The following PFKP variants were observed in gnomAD, a reference collection of about 807,000 sequenced individuals.
PFKP encodes the protein phosphofructokinase, platelet, also known as ATP-dependent 6-phosphofructokinase, platelet type.
Under a neutral mutation model 94.3 loss-of-function variants are expected in PFKP, and 101 were observed. That is an observed-to-expected ratio of 1.07 (90% CI 0.91 to 1.26). The LOEUF (loss-of-function observed/expected upper bound fraction) is 1.26. Among genes scored for constraint, PFKP ranks in the 50% most tolerant of loss-of-function variants. The pLI is 0.00. For missense variants in PFKP, 1,145 were observed against 1,103.3 expected (o/e 1.04, Z -0.53); for synonymous variants, 573 against 432.6 (o/e 1.32, Z -4.03).
chr10:3,103,724 C>A (rs1011161935), intron 4 of PFKP, 55 bp from the exon 5 acceptor site: 4 of 1,597,808 alleles, frequency 2.5e-6, no homozygotes, highest in Non-Finnish European at 3.4e-6. Flanking sequence ...AGTGGGGCAC[C>A]CCCCGAACGC....
chr10:3,071,558 G>A (rs373114571), intron 1 of PFKP, among the ~76,000 whole-genome samples: 85 of 151,368 alleles, frequency 5.6e-4, no homozygotes, highest in Non-Finnish European at 1.0e-3. Flanking sequence ...TCTGAATGGC[G>A]GACTTACCAT....
intron 3 of PFKP, among the ~76,000 whole-genome samples, chr10:3,100,056 G>GGTGTGT (rs55739223): frequency 0.15 from 20,112 of 137,484 alleles, 1,322 homozygotes; most frequent in African/African-American, 0.15. Context: ...GTAGGTGTGT[G>GGTGTGT]GTGTGTGTGT....
At chr10:3,122,278 C>T (rs148695068) in intron 16 of PFKP, among the ~76,000 whole-genome samples, 39 of 152,220 alleles carry the variant, frequency 2.6e-4, no homozygotes, top group African/African-American at 9.1e-4. Flanking sequence ...CTTGGGAGTG[C>T]GGTGGTTCTA....
chr10:3,102,269 A>AAAAAAAAAAAAAAAAG (rs1228488168), intron 4 of PFKP, among the ~76,000 whole-genome samples: 1 of 148,148 alleles, frequency 6.8e-6, no homozygotes, highest in Non-Finnish European at 1.5e-5. Flanking sequence ...AAAAAAAAAA[A>AAAAAAAAAAAAAAAAG]AAAACTGAAG....
At chr10:3,090,783 G>A (rs775520823) in intron 2 of PFKP, among the ~76,000 whole-genome samples, 1 of 152,026 alleles carries the variant, frequency 6.6e-6, no homozygotes, top group Non-Finnish European at 1.5e-5. Flanking sequence ...ACTCTTTTGG[G>A]GGACCGCTGT....
intron 21 of PFKP, 67 bp from the exon 22 acceptor site, chr10:3,136,383 T>G: frequency 6.4e-7 from 1 of 1,570,320 alleles, no homozygotes; most frequent in South Asian, 1.1e-5. Context: ...CTCGCTGTGC[T>G]GGCCAGGCGG....
intron 2 of PFKP, among the ~76,000 whole-genome samples, chr10:3,094,689 C>G (rs1179217897): frequency 6.6e-6 from 1 of 152,220 alleles, no homozygotes; most frequent in Admixed American, 6.5e-5. Context: ...CCTGCCGCCT[C>G]TCTTTCTCGC....
chr10:3,077,249 C>CTTTTTTTTTTTTTT (rs35306351), intron 1 of PFKP, among the ~76,000 whole-genome samples: 1 of 108,180 alleles, frequency 9.2e-6, no homozygotes, highest in Non-Finnish European at 1.8e-5. Flanking sequence ...CTATTCTTTA[C>CTTTTTTTTTTTTTT]TTTTTTTTTT....
intron 3 of PFKP, chr10:3,100,862 C>CAAAATAAAAAATA (rs754923021): frequency 1.5e-6 from 1 of 653,980 alleles, no homozygotes; most frequent in Non-Finnish European, 2.5e-6. Flanking sequence ...GTATGTGGTG[C>CAAAATAAAAAATA]AAAAAAAAAA....
chr10:3,136,531 C>T lies in PFKP; in HGVS notation c.2307C>T (p.Asp769=), dbSNP rs34180069. The change falls in exon 22 of 22, where the codon GAC becomes GAT. Residue 769 remains aspartate (D), a synonymous_variant. Coordinates refer to ENST00000381125, the MANE Select transcript of PFKP (RefSeq NM_002627.5). ...TGGCCAAGTACAAGGCCAGCTATGA[C>T]GTGTCGGACTCAGGCCAGCTGGAAC... ...KILAKYKASY[D]VSDSGQLEHV... 6,897 of 1,613,566 alleles carry T rather than the reference C, an allele frequency of 4.3e-3. 40 individuals carry two copies. Among genetic ancestry groups the T allele is most frequent in the South Asian group, 5.2e-3 (476 of 90,954 alleles).
chr10:3,096,000 TAATGA>T (rs1368738212), intron 2 of PFKP, among the ~76,000 whole-genome samples: 1 of 152,196 alleles, frequency 6.6e-6, no homozygotes, highest in Non-Finnish European at 1.5e-5. Context: ...CAACACAAAA[TAATGA>T]AATTACTTTC....
Position 3,125,058 on chromosome 10 carries a change from C to G in PFKP, c.1684-4761C>G, listed in dbSNP as rs762495949. 38 of 1,186,944 alleles carry G rather than the reference C, an allele frequency of 3.2e-5. No homozygotes were observed. In the East Asian group the frequency reaches 1.3e-3, roughly 41 times the overall value. The allele number at this position is 1,186,944 out of a possible 1,614,324, so 73.5% of individuals were successfully genotyped here. A position where few individuals can be genotyped will look rare whatever the true frequency, so the allele number is the denominator to read the frequency against. On this transcript the variant is annotated intron_variant, in intron 16 of 21. Transcript: ENST00000381125. ...AGGCCCTGGGGCTGGCAGGTGAGCA[C>G]CCGGCACCCCCGCTAACCGCTTGGC...
At chr10:3,110,264 T>C (rs551808713) in intron 10 of PFKP, among the ~76,000 whole-genome samples, 4 of 152,046 alleles carry the variant, frequency 2.6e-5, no homozygotes, top group Non-Finnish European at 5.9e-5. Context: ...AGTGGCGTGA[T>C]CTTGGCTCAC....
At chr10:3,124,841 C>T (rs1252825115) in intron 16 of PFKP, among the ~76,000 whole-genome samples, 2 of 135,626 alleles carry the variant, frequency 1.5e-5, no homozygotes, top group African/African-American at 6.2e-5. Context: ...GCCTGCCTCA[C>T]ACCACCCCGC....
intron 16 of PFKP, among the ~76,000 whole-genome samples, chr10:3,123,386 C>T (rs888225535): frequency 1.3e-4 from 20 of 151,982 alleles, no homozygotes; most frequent in Admixed American, 2.0e-4. Flanking sequence ...GGCAGGGTCT[C>T]CCCCGTATTG....
chr10:3,069,570 T>G (rs1431434476), intron 1 of PFKP, among the ~76,000 whole-genome samples: 1 of 152,038 alleles, frequency 6.6e-6, no homozygotes, highest in Admixed American at 6.5e-5. Flanking sequence ...AAGTCAGGGT[T>G]TCAAGGTTAT....
At chr10:3,069,002 C>T (rs979345080) in intron 1 of PFKP, among the ~76,000 whole-genome samples, 1 of 151,286 alleles carries the variant, frequency 6.6e-6, no homozygotes, top group African/African-American at 2.4e-5. Flanking sequence ...GGCGCGGGTG[C>T]CGCAGGTTGA....
At chr10:3,108,578 C>G in intron 8 of PFKP, 123 bp from the exon 9 acceptor site, 5 of 688,760 alleles carry the variant, frequency 7.3e-6, no homozygotes, top group Non-Finnish European at 1.3e-5. Context: ...TTAGAAATAA[C>G]TTTTCCCATT....
chr10:3,132,493 T>C, intron 18 of PFKP, 52 bp downstream of exon 18: 1 of 1,267,870 alleles, frequency 7.9e-7, no homozygotes, highest in South Asian at 1.2e-5. Context: ...ACACCCTGGT[T>C]CTTAGATTCT....
Sources: allele counts gnomAD v4.1 joint callset (sites outside exome capture counted in the v4.1 genomes callset), GRCh38; gene constraint gnomAD v4.1.1; transcripts MANE v1.5; gene names NCBI Gene and HGNC (gene_info 2026-07-23, HGNC 2026-07-21).